Variants in SH3RF3 observed in about 807,000 individuals in gnomAD.
SH3RF3 encodes the protein E3 ubiquitin-protein ligase SH3RF3.
Under a neutral mutation model 66.3 loss-of-function variants are expected in SH3RF3, and 29 were observed. The ratio of observed to expected loss-of-function variants is 0.44; its 90% confidence interval spans 0.33 to 0.60. The LOEUF (loss-of-function observed/expected upper bound fraction) is 0.60. Among genes scored for constraint, SH3RF3 ranks in the 20% least tolerant of loss-of-function variants. SH3RF3 has a pLI of 0.04. For missense variants in SH3RF3, 1,194 were observed against 1,190.9 expected (o/e 1.00, Z -0.04); for synonymous variants, 583 against 532.0 (o/e 1.10, Z -1.32).
chr2:109,233,083 C>T (rs907607352), intron 1 of SH3RF3, among the ~76,000 whole-genome samples: 1 of 152,142 alleles, frequency 6.6e-6, no homozygotes, highest in Non-Finnish European at 1.5e-5. Context: ...GGGCTCCATC[C>T]CACAGCAGTG....
chr2:109,318,768 A>G (rs1292712219), intron 1 of SH3RF3, among the ~76,000 whole-genome samples: 2 of 152,170 alleles, frequency 1.3e-5, no homozygotes, highest in Non-Finnish European at 2.9e-5. Context: ...ATCTAAAGAC[A>G]AAGCATGAAA....
chr2:109,448,499 G>A (rs1415632596), intron 7 of SH3RF3, among the ~76,000 whole-genome samples: 2 of 152,136 alleles, frequency 1.3e-5, no homozygotes, highest in Non-Finnish European at 2.9e-5. Flanking sequence ...CACATTAGCA[G>A]CGGCATTAGG....
chr2:109,282,491 A>G (rs1300327998), intron 1 of SH3RF3, among the ~76,000 whole-genome samples: 1 of 152,148 alleles, frequency 6.6e-6, no homozygotes, highest in East Asian at 1.9e-4. Flanking sequence ...GAGGGTCACC[A>G]AGACGCCGGC....
chr2:109,503,258 T>G lies in SH3RF3; in HGVS notation c.*1587T>G, dbSNP rs769119658. ...CAGACTTAAATTAAGCTGAAGAAAC[T>G]AGCCTTTGGTAACATAGGGTGTCAT... On this transcript the variant is annotated 3_prime_UTR_variant, in exon 10 of 10. Coordinates refer to ENST00000309415, the MANE Select transcript of SH3RF3 (RefSeq NM_001099289.3). The G allele has an allele frequency of 2.6e-5, 4 of 152,194 alleles. No homozygotes were observed. Among genetic ancestry groups the G allele is most frequent in the Non-Finnish European group, 5.9e-5 (4 of 68,024 alleles). The allele number at this position is 152,194 out of a possible 1,614,324, so 9.4% of individuals were successfully genotyped here. A position where few individuals can be genotyped will look rare whatever the true frequency, so the allele number is the denominator to read the frequency against.
At chr2:109,261,058 A>G (rs898524546) in intron 1 of SH3RF3, among the ~76,000 whole-genome samples, 7 of 152,136 alleles carry the variant, frequency 4.6e-5, no homozygotes, top group African/African-American at 1.7e-4. Context: ...TAGCATGAGC[A>G]CTTGGCCTGA....
At chr2:109,137,866 C>T (rs1676850491) in intron 1 of SH3RF3, among the ~76,000 whole-genome samples, 1 of 152,256 alleles carries the variant, frequency 6.6e-6, no homozygotes, top group Non-Finnish European at 1.5e-5. Context: ...GATTACTAAA[C>T]ACTTGGAGTG....
At chr2:109,357,944 G>A (rs771606543) in intron 2 of SH3RF3, among the ~76,000 whole-genome samples, 3 of 152,124 alleles carry the variant, frequency 2.0e-5, no homozygotes, top group South Asian at 2.1e-4. Flanking sequence ...TAAGCCTATA[G>A]TCACTCTTGG....
At chr2:109,330,590 A>G (rs557479139) in intron 1 of SH3RF3, among the ~76,000 whole-genome samples, 1 of 152,236 alleles carries the variant, frequency 6.6e-6, no homozygotes, top group Non-Finnish European at 1.5e-5. Context: ...GGGTGGATGG[A>G]TGGATGCATG....
intron 2 of SH3RF3, among the ~76,000 whole-genome samples, chr2:109,350,623 G>A (rs560664140): frequency 6.6e-6 from 1 of 152,168 alleles, no homozygotes; most frequent in African/African-American, 2.4e-5. Flanking sequence ...AAGAGACATG[G>A]GCAACTCCAT....
intron 1 of SH3RF3, among the ~76,000 whole-genome samples, chr2:109,284,069 G>T (rs563710547): frequency 1.3e-5 from 2 of 152,242 alleles, no homozygotes; most frequent in South Asian, 4.1e-4. Context: ...CACCTCCCTT[G>T]TCCTGCCCCC....
intron 2 of SH3RF3, among the ~76,000 whole-genome samples, chr2:109,348,560 C>A (rs1288115123): frequency 6.6e-6 from 1 of 152,192 alleles, no homozygotes. Flanking sequence ...TTCTGGCTGT[C>A]CTGGCAGTTG....
chr2:109,129,607 G>T lies in SH3RF3; in HGVS notation c.67G>T (p.Asp23Tyr). The change falls in exon 1 of 10, where the codon GAC (aspartate) becomes TAC (tyrosine). Residue 23 changes from aspartate to tyrosine, a missense_variant. By Grantham distance (160) the Asp-to-Tyr change is radical (BLOSUM62 -3). Coordinates refer to ENST00000309415, the MANE Select transcript of SH3RF3 (RefSeq NM_001099289.3). ...CGCCGCTGCTGCGCAGAGCGAGGGCGACGAGGACAGGCCAGGCGAGCGACG... is the reference window on the plus strand; with the variant it reads ...CGCCGCTGCTGCGCAGAGCGAGGGCTACGAGGACAGGCCAGGCGAGCGACG... ...AAAAAAQSEG[D>Y]EDRPGERRRR... 1.4e-6 allele frequency: 2 copies of T among 1,481,370 alleles called. No homozygotes were observed. The highest frequency in any genetic ancestry group is 2.8e-5 in the East Asian group (1 of 35,826). 91.8% of individuals were successfully genotyped at this position (1,481,370 alleles called of 1,614,324 possible). A position where few individuals can be genotyped will look rare whatever the true frequency, so the allele number is the denominator to read the frequency against.
chr2:109,446,175 C>T (rs1216606783), intron 7 of SH3RF3, among the ~76,000 whole-genome samples: 2 of 152,180 alleles, frequency 1.3e-5, no homozygotes, highest in Non-Finnish European at 2.9e-5. Flanking sequence ...CTTCACCAGC[C>T]AGTGTCATGA....
At chr2:109,293,156 C>T (rs1005944101) in intron 1 of SH3RF3, among the ~76,000 whole-genome samples, 1 of 152,232 alleles carries the variant, frequency 6.6e-6, no homozygotes, top group Non-Finnish European at 1.5e-5. Context: ...GACAGAGCTC[C>T]GCAGGCAGTG....
chr2:109,451,666 T>A (rs1203022087), intron 8 of SH3RF3, among the ~76,000 whole-genome samples: 2 of 152,256 alleles, frequency 1.3e-5, no homozygotes, highest in African/African-American at 4.8e-5. Flanking sequence ...TCGCTTTCTC[T>A]TAAGGTTTAT....
intron 1 of SH3RF3, among the ~76,000 whole-genome samples, chr2:109,278,174 C>T (rs867210958): frequency 1.5e-5 from 2 of 129,080 alleles, no homozygotes; most frequent in African/African-American, 2.8e-5. Flanking sequence ...AAGACCCAAT[C>T]TTAAAAAAAA....
chr2:109,382,804 A>G (rs574330357), intron 3 of SH3RF3, among the ~76,000 whole-genome samples: 5 of 152,110 alleles, frequency 3.3e-5, no homozygotes, highest in African/African-American at 1.2e-4. Flanking sequence ...AGCACCCCCA[A>G]TGTTCTCTGC....
intron 1 of SH3RF3, among the ~76,000 whole-genome samples, chr2:109,163,862 C>G (rs1183729947): frequency 6.6e-6 from 1 of 152,172 alleles, no homozygotes; most frequent in East Asian, 1.9e-4. Context: ...CTATTACCAA[C>G]TATTTGTGGT....
intron 5 of SH3RF3, among the ~76,000 whole-genome samples, chr2:109,426,814 T>G (rs1677037739): frequency 6.6e-6 from 1 of 152,152 alleles, no homozygotes; most frequent in Admixed American, 6.5e-5. Flanking sequence ...TGCTGTCTTA[T>G]TTTAAGAAGT....
Sources: gnomAD v4.1 joint callset for allele counts (sites outside exome capture counted in the v4.1 genomes callset) on GRCh38, gnomAD v4.1.1 for gene constraint, MANE v1.5 for transcripts, NCBI Gene and HGNC (gene_info 2026-07-23, HGNC 2026-07-21) for gene names.